GUCY1A2: variants seen among roughly 807,000 people sequenced by gnomAD.
GUCY1A2 encodes the protein guanylate cyclase 1 soluble subunit alpha 2, also known as guanylate cyclase soluble subunit alpha-2.
Under a neutral mutation model 63.5 loss-of-function variants are expected in GUCY1A2, and 27 were observed. The observed-to-expected ratio is 0.43, with a 90% confidence interval of 0.31 to 0.59. The LOEUF (loss-of-function observed/expected upper bound fraction) is 0.59, where lower values mean the gene tolerates loss of function less well. GUCY1A2 is among the 20% of genes least tolerant of loss of function. GUCY1A2 has a pLI of 0.11. For synonymous variants in GUCY1A2, 364 were observed against 343.5 expected, an observed-to-expected ratio of 1.06 and a Z score of -0.66; for missense variants, 768 against 913.3, an observed-to-expected ratio of 0.84 and a Z score of 2.05.
At chr11:106,738,031 A>G (rs1409681229) in intron 6 of GUCY1A2, among the ~76,000 whole-genome samples, 2 of 152,154 alleles carry the variant, frequency 1.3e-5, no homozygotes, top group East Asian at 1.9e-4. Context: ...AAGTGTTCCT[A>G]TTTCTCCACA....
intron 4 of GUCY1A2, among the ~76,000 whole-genome samples, chr11:106,845,656 AAG>A (rs1859260700): frequency 1.3e-5 from 2 of 151,652 alleles, no homozygotes. Context: ...TTAAAAAAAA[AAG>A]AGGCCCAGAA....
intron 4 of GUCY1A2, among the ~76,000 whole-genome samples, chr11:106,839,702 C>A (rs1409300326): frequency 6.6e-6 from 1 of 151,838 alleles, no homozygotes; most frequent in African/African-American, 2.4e-5. Flanking sequence ...AGTTCATGTC[C>A]TTTGTAGGGA....
chr11:106,756,892 C>A (rs1264419732), intron 6 of GUCY1A2, among the ~76,000 whole-genome samples: 1 of 152,140 alleles, frequency 6.6e-6, no homozygotes, highest in African/African-American at 2.4e-5. Context: ...GAATGTTGGC[C>A]TGCCTTGCTA....
chr11:106,826,705 T>A, intron 4 of GUCY1A2: 1 of 1,609,482 alleles, frequency 6.2e-7, no homozygotes, highest in Non-Finnish European at 8.5e-7. Flanking sequence ...GTCAATAGAG[T>A]CTCCTGAACT....
intron 4 of GUCY1A2, among the ~76,000 whole-genome samples, chr11:106,894,796 T>C (rs1860023482): frequency 6.6e-6 from 1 of 152,066 alleles, no homozygotes; most frequent in Non-Finnish European, 1.5e-5. Flanking sequence ...TGAATGCATA[T>C]ATAAGGAGAA....
intron 5 of GUCY1A2, among the ~76,000 whole-genome samples, chr11:106,793,533 A>T (rs1323700876): frequency 6.6e-6 from 1 of 151,854 alleles, no homozygotes; most frequent in Non-Finnish European, 1.5e-5. Context: ...CTGCATAGCA[A>T]AAAAAAAGCA....
intron 6 of GUCY1A2, among the ~76,000 whole-genome samples, chr11:106,746,951 T>C (rs1863798647): frequency 6.6e-6 from 1 of 152,108 alleles, no homozygotes; most frequent in Non-Finnish European, 1.5e-5. Flanking sequence ...GTTGTGCAAA[T>C]AGTCACTGTC....
intron 4 of GUCY1A2, among the ~76,000 whole-genome samples, chr11:106,810,778 T>C (rs1858752526): frequency 6.6e-6 from 1 of 152,120 alleles, no homozygotes; most frequent in Admixed American, 6.6e-5. Flanking sequence ...CCAAGGTACA[T>C]CATGAAACTG....
At chr11:106,903,648 T>C (rs549866234) in intron 4 of GUCY1A2, among the ~76,000 whole-genome samples, 42 of 152,168 alleles carry the variant, frequency 2.8e-4, no homozygotes, top group Non-Finnish European at 3.5e-4. Context: ...CTTTTTAAAA[T>C]ACAAACTCTG....
At chr11:106,824,890 C>A (rs1347330876) in intron 4 of GUCY1A2, 4 of 1,612,390 alleles carry the variant, frequency 2.5e-6, no homozygotes, top group Non-Finnish European at 3.4e-6. Context: ...AAGAAGGCTG[C>A]AAACATGCTT....
intron 1 of GUCY1A2, among the ~76,000 whole-genome samples, chr11:107,014,676 TAATA>T (rs1413090133): frequency 2.0e-5 from 3 of 152,210 alleles, no homozygotes; most frequent in African/African-American, 7.2e-5. Context: ...ATAACTAGTT[TAATA>T]AATAAATTTT....
intron 6 of GUCY1A2, among the ~76,000 whole-genome samples, chr11:106,753,909 G>A (rs1257458142): frequency 6.6e-6 from 1 of 152,194 alleles, no homozygotes; most frequent in Non-Finnish European, 1.5e-5. Flanking sequence ...GTGGTAGCTT[G>A]ATGGGGATAA....
At chr11:106,910,465 T>C (rs1018616826) in intron 4 of GUCY1A2, among the ~76,000 whole-genome samples, 5 of 152,068 alleles carry the variant, frequency 3.3e-5, no homozygotes, top group Admixed American at 6.6e-5. Flanking sequence ...TTTTAAGGTT[T>C]TTAAATTAAA....
intron 4 of GUCY1A2, among the ~76,000 whole-genome samples, chr11:106,871,444 A>G (rs11211955): frequency 0.16 from 24,858 of 152,078 alleles, 2,461 homozygotes; most frequent in East Asian, 0.28. Context: ...AATCTGTTCC[A>G]TACAGCTCTC....
chr11:106,790,289 G>A (rs992593150), intron 5 of GUCY1A2, among the ~76,000 whole-genome samples: 2 of 152,122 alleles, frequency 1.3e-5, no homozygotes, highest in Non-Finnish European at 1.5e-5. Flanking sequence ...AGGCCCACAG[G>A]GACATCAAAC....
At chr11:106,813,577 C>T (rs1378839882) in intron 4 of GUCY1A2, among the ~76,000 whole-genome samples, 3 of 152,010 alleles carry the variant, frequency 2.0e-5, no homozygotes, top group African/African-American at 7.2e-5. Context: ...ATGGCCTAAT[C>T]CATGCTCTCA....
intron 6 of GUCY1A2, among the ~76,000 whole-genome samples, chr11:106,716,067 G>C (rs1343551502): frequency 6.6e-6 from 1 of 152,144 alleles, no homozygotes; most frequent in African/African-American, 2.4e-5. Flanking sequence ...CAGAGGGGTG[G>C]GAGGAGAACA....
intron 4 of GUCY1A2, among the ~76,000 whole-genome samples, chr11:106,923,685 TA>T (rs1164946254): frequency 2.6e-5 from 4 of 152,198 alleles, no homozygotes; most frequent in Non-Finnish European, 5.9e-5. Flanking sequence ...ATGGTAACAA[TA>T]TATGAAAACT....
At chr11:106,841,191 C>T (rs868108854) in intron 4 of GUCY1A2, among the ~76,000 whole-genome samples, 1 of 151,778 alleles carries the variant, frequency 6.6e-6, no homozygotes, top group African/African-American at 2.4e-5. Context: ...CCTGCAAACA[C>T]CCTCATCTCT....
Sources: gnomAD v4.1 joint callset for allele counts (sites outside exome capture counted in the v4.1 genomes callset) on GRCh38, gnomAD v4.1.1 for gene constraint, MANE v1.5 for transcripts, NCBI Gene and HGNC (gene_info 2026-07-23, HGNC 2026-07-21) for gene names.